NT5DC2: variants seen among roughly 807,000 people sequenced by gnomAD.
NT5DC2 encodes 5'-nucleotidase domain containing 2.
A neutral mutation model predicts 70.0 loss-of-function variants in NT5DC2; 41 were observed. That is an observed-to-expected ratio of 0.59 (90% CI 0.46 to 0.76). The LOEUF (loss-of-function observed/expected upper bound fraction) is 0.76. Among genes scored for constraint, NT5DC2 ranks in the 30% least tolerant of loss-of-function variants. The pLI, the probability that NT5DC2 is intolerant of heterozygous loss-of-function variation, is 0.00. For missense variants in NT5DC2, 705 were observed against 783.2 expected (o/e 0.90, Z 1.19); for synonymous variants, 299 against 310.4 (o/e 0.96, Z 0.39).
rs757833810 is a variant in NT5DC2 at position 52,524,646 on chromosome 3, C to T, written c.1498G>A (p.Val500Met). The change falls in exon 14 of 14, where the codon GTG becomes ATG. Residue 500 changes from valine to methionine, a missense_variant. By Grantham distance (21) the Val-to-Met change is conservative. Coordinates refer to ENST00000422318, the MANE Select transcript of NT5DC2 (RefSeq NM_001134231.2). ...HNPTYFSRRL[V>M]RFSDLYMASL... ...GCCATGTAGAGGTCAGAGAAGCGCA[C>T]GAGGCGCCTTGAGAAGTAGGTGGGG... The T allele has an allele frequency of 6.8e-6, 11 of 1,612,944 alleles. No homozygotes were observed. The highest frequency in any genetic ancestry group is 2.2e-5 in the East Asian group (1 of 44,888).
In NT5DC2 at chr3:52,524,878, A is replaced by T; in HGVS notation, c.1351T>A (p.Tyr451Asn). Residue 451 changes from tyrosine to asparagine, a missense_variant, in exon 13 of 14, where the codon TAT (tyrosine) becomes AAT (asparagine). Transcript: ENST00000422318. ...ACCTGCCTCGACTCCGCGTCCTGATAGGTCTGGGGACACAAAGTGTGCATT... is the reference window on the plus strand; with the variant it reads ...ACCTGCCTCGACTCCGCGTCCTGATTGGTCTGGGGACACAAAGTGTGCATT... ...LTGLLERMQT[Y>N]QDAESRQVLA... 6.2e-7 allele frequency: 1 copy of T among 1,612,244 alleles called. No homozygotes were observed. Among genetic ancestry groups the T allele is most frequent in the Non-Finnish European group, 8.5e-7 (1 of 1,179,686 alleles).
upstream of NT5DC2, chr3:52,534,477 TG>T (rs1559743208): frequency 5.0e-6 from 8 of 1,611,246 alleles, no homozygotes; most frequent in Non-Finnish European, 6.8e-6. Flanking sequence ...TGCAGGGTTG[TG>T]GGCCACGGTC....
At chr3:52,525,744 A>G (rs1267178628) in intron 10 of NT5DC2, 2 of 173,804 alleles carry the variant, frequency 1.2e-5, no homozygotes, top group Non-Finnish European at 2.4e-5. Context: ...CCAGGCCCAC[A>G]TGTAACTGGG....
At chr3:52,533,443 T>C in intron 1 of NT5DC2, 63 bp downstream of exon 1, 1 of 1,447,034 alleles carries the variant, frequency 6.9e-7, no homozygotes, top group Non-Finnish European at 9.2e-7. Flanking sequence ...ACCCTGGGGC[T>C]CGGTCCGTCC....
At chr3:52,532,598 G>T in intron 1 of NT5DC2, 1 of 749,428 alleles carries the variant, frequency 1.3e-6, no homozygotes, top group Non-Finnish European at 1.6e-6. Flanking sequence ...CACCCCTGGG[G>T]GTTCCTCCGG....
intron 1 of NT5DC2, among the ~76,000 whole-genome samples, chr3:52,532,967 G>A (rs1189842475): frequency 6.6e-6 from 1 of 152,178 alleles, no homozygotes; most frequent in Admixed American, 6.5e-5. Flanking sequence ...TCCAGGGGGC[G>A]GGGGTGACTT....
Position 52,531,889 on chromosome 3 carries a change from C to T in NT5DC2, c.232+1617G>A, listed in dbSNP as rs571759312. ...GAGGCAGTCCCACTTATTCCCCCAT[C>T]GTCCGGAGGAAGAAACTGGGGCTCA... is the stretch of plus-strand genomic sequence containing the variant. On this transcript the variant is annotated intron_variant, in intron 1 of 13. Transcript: ENST00000422318. The surrounding 1 kb of genome is among the most constrained non-coding windows in gnomAD (Gnocchi z 4.1). Among the ~76,000 whole-genome samples the T allele has an allele frequency of 1.3e-5, 2 of 152,200 alleles. No homozygotes were observed. Among genetic ancestry groups the T allele is most frequent in the African/African-American group, 2.4e-5 (1 of 41,450 alleles).
chr3:52,529,375 G>A lies in NT5DC2; in HGVS notation c.233-41C>T, dbSNP rs2079329641. 1 of 1,585,802 alleles carries A rather than the reference G, an allele frequency of 6.3e-7. No homozygotes were observed. The highest frequency in any genetic ancestry group is 1.3e-5 in the African/African-American group (1 of 74,428). ...GCAGGGAGGCAGTGATGGGGATGAT[G>A]ATCCCTGCAGCAGCTATGGCTCCTG... On this transcript the variant is annotated intron_variant, in intron 1 of 13. Transcript: ENST00000422318. This position sits in a 1 kb window ranked among gnomAD's most constrained non-coding sequence, Gnocchi z 4.1.
chr3:52,525,336 T>TGTCCTCCACCA (rs1297487203), intron 10 of NT5DC2, 41 bp from the exon 11 acceptor site: 1 of 1,509,360 alleles, frequency 6.6e-7, no homozygotes, highest in East Asian at 2.3e-5. Context: ...AAGTGTGCCT[T>TGTCCTCCACCA]GTCCTCCACC....
rs2079350731 is a variant in NT5DC2 at position 52,530,908 on chromosome 3, A to G, written c.233-1574T>C. 1.3e-5 allele frequency among the ~76,000 whole-genome samples: 2 copies of G among 152,160 alleles called. 1 individual carries two copies. The highest frequency in any genetic ancestry group is 4.1e-4 in the South Asian group (2 of 4,830). ...CAGGGAGAAGGGAGCAGGCAGGACT[A>G]GATGTACAGGGTACATCTAGTACCC... On this transcript the variant is annotated intron_variant, in intron 1 of 13. Coordinates refer to ENST00000422318, the MANE Select transcript of NT5DC2 (RefSeq NM_001134231.2).
In NT5DC2 at chr3:52,529,012, A is replaced by G; in HGVS notation, c.418-77T>C. The G allele has an allele frequency of 6.3e-7, 1 of 1,590,582 alleles. No homozygotes were observed. Among genetic ancestry groups the G allele is most frequent in the Non-Finnish European group, 8.6e-7 (1 of 1,159,626 alleles). ...GGCTGGGTGGCCACCCCAGGGGGTC[A>G]ATCCAGCCACCTGCCCAGGGCAGCT... is the stretch of plus-strand genomic sequence containing the variant. On this transcript the variant is annotated intron_variant, in intron 2 of 13. Transcript: ENST00000422318. The surrounding 1 kb of genome is among the most constrained non-coding windows in gnomAD (Gnocchi z 4.1).
intron 10 of NT5DC2, among the ~76,000 whole-genome samples, chr3:52,526,973 T>C (rs56866386): frequency 0.012 from 1,884 of 152,358 alleles, 46 homozygotes; most frequent in African/African-American, 0.044. Context: ...GCACTGGCCA[T>C]TCTGAGAGCT....
In NT5DC2 at chr3:52,527,346, G is replaced by C; in HGVS notation, c.1067C>G (p.Ser356Ter). The change falls in exon 10 of 14, where the codon TCA becomes TGA. Residue 356 changes from serine (S) to a stop codon, truncating the protein, a stop_gained. Transcript: ENST00000422318. LOFTEE classifies it high-confidence loss of function. ...KPFRKLDEKG[S>*]LQWDRITRLE... is the part of the protein sequence containing the mutation. ...GCGGGTGATCCGGTCCCACTGAAGT[G>C]AGCCCTTCTCATCGAGTTTTCTGAA... is the stretch of plus-strand genomic sequence containing the variant. 6.2e-7 allele frequency: 1 copy of C among 1,614,164 alleles called. No individual in the cohort carries two copies. Among genetic ancestry groups the C allele is most frequent in the Non-Finnish European group, 8.5e-7 (1 of 1,180,026 alleles).
In NT5DC2 at chr3:52,527,911, C is replaced by T; in HGVS notation, c.853G>A (p.Asp285Asn). Residue 285 changes from aspartate to asparagine, a missense_variant, in exon 8 of 14, where the codon GAT becomes AAT. By Grantham distance (23) the Asp-to-Asn change is conservative. Coordinates refer to ENST00000422318, the MANE Select transcript of NT5DC2 (RefSeq NM_001134231.2). ...QDMEKYILRG[D>N]ETFAVLSRLV... is the part of the protein sequence containing the mutation. ...CGGCTCAGGACAGCAAACGTCTCAT[C>T]CCCTCTCAGGATGTACTTCTCTAAT... 1 of 1,613,606 alleles carries T rather than the reference C, an allele frequency of 6.2e-7. No homozygotes were observed. The highest frequency in any genetic ancestry group is 8.5e-7 in the Non-Finnish European group (1 of 1,180,040).
In NT5DC2 at chr3:52,527,622, C is replaced by A. The variant is rs936541511; in HGVS notation, c.1032G>T (p.Arg344=). 17 of 1,612,892 alleles carry A rather than the reference C, an allele frequency of 1.1e-5. No individual in the cohort carries two copies. The highest frequency in any genetic ancestry group is 1.3e-5 in the African/African-American group (1 of 74,946). ...QADKPSFFTD[R]RKPFRKLDEK... Reference sequence around the variant, plus strand: ...AACCCCCACCATGCCCATACTTGCGCCGGTCAGTGAAGAAGCTGGGCTTGT... The same window carrying A: ...AACCCCCACCATGCCCATACTTGCGACGGTCAGTGAAGAAGCTGGGCTTGT... The change falls in exon 9 of 14, where the codon CGG becomes CGT. Residue 344 remains arginine, a synonymous_variant. Transcript: ENST00000422318.
intron 9 of NT5DC2, 87 bp from the exon 10 acceptor site, chr3:52,527,462 C>T: frequency 6.7e-7 from 1 of 1,495,882 alleles, no homozygotes; most frequent in East Asian, 2.3e-5. Context: ...AAAGGCCCAC[C>T]TGCTCAAGTG....
In NT5DC2 at chr3:52,524,464, G is replaced by A. The variant is rs181171122; in HGVS notation, c.*6C>T. On this transcript the variant is annotated 3_prime_UTR_variant, in exon 14 of 14. Transcript: ENST00000422318. ...TGAGGGCCTGTCCCAGACAATAAAG[G>A]TGCCCTCAGCGGATGTGGGCCATGT... The A allele has an allele frequency of 6.0e-3, 9,677 of 1,612,706 alleles. 72 individuals are homozygous for A. The highest frequency in any genetic ancestry group is 0.025 in the South Asian group (2,250 of 91,082).
intron 10 of NT5DC2, 132 bp downstream of exon 10, chr3:52,527,162 G>T: frequency 1.3e-6 from 1 of 789,802 alleles, no homozygotes. Flanking sequence ...CTCCCTGCCA[G>T]CCATTGCCTG....
Position 52,524,870 on chromosome 3 carries a change from G to A in NT5DC2, c.1359C>T (p.Asp453=), listed in dbSNP as rs761128915. The change falls in exon 13 of 14, where the codon GAC becomes GAT. Residue 453 remains aspartate, a synonymous_variant. Transcript: ENST00000422318. ...CAGCCAGCACCTGCCTCGACTCCGC[G>A]TCCTGATAGGTCTGGGGACACAAAG... is the stretch of plus-strand genomic sequence containing the variant. The part of the protein sequence containing the change: ...GLLERMQTYQ[D]AESRQVLAAW... 1.4e-5 allele frequency: 23 copies of A among 1,612,212 alleles called. No homozygotes were observed. Among genetic ancestry groups the A allele is most frequent in the South Asian group, 6.6e-5 (6 of 91,088 alleles).
Sources: gnomAD v4.1 joint callset for allele counts (sites outside exome capture counted in the v4.1 genomes callset) on GRCh38, gnomAD v4.1.1 for gene constraint, Gnocchi (gnomAD v3.1) non-coding constraint, MANE v1.5 for transcripts, NCBI Gene and HGNC (gene_info 2026-07-23, HGNC 2026-07-21) for gene names.